Variants in FIG4 observed in about 807,000 individuals in gnomAD.
The protein encoded by FIG4 is FIG4 phosphoinositide 5-phosphatase.
FIG4 carries 112 observed loss-of-function variants against 118.6 expected under a neutral mutation model. The ratio of observed to expected loss-of-function variants is 0.94; its 90% CI spans 0.81 to 1.11. The LOEUF is 1.11. FIG4 is among the 50% of genes least tolerant of loss of function. FIG4 has a pLI of 0.00. For synonymous variants in FIG4, 369 were observed against 381.2 expected, an observed-to-expected ratio of 0.97 and a Z score of 0.37; for missense variants, 969 against 1,111.7, an observed-to-expected ratio of 0.87 and a Z score of 1.83.
intron 10 of FIG4, among the ~76,000 whole-genome samples, chr6:109,756,884 T>G (rs1047047218): frequency 6.6e-6 from 1 of 152,208 alleles, no homozygotes; most frequent in Non-Finnish European, 1.5e-5. Context: ...GGTTTGAATT[T>G]CCTCCTATAG....
At chr6:109,727,905 C>T (rs1192923143) in intron 4 of FIG4, among the ~76,000 whole-genome samples, 1 of 152,132 alleles carries the variant, frequency 6.6e-6, no homozygotes, top group East Asian at 1.9e-4. Context: ...AGACAAAAAA[C>T]AAAAGACTGT....
intron 16 of FIG4, 60 bp downstream of exon 16, chr6:109,777,120 T>G: frequency 2.8e-6 from 4 of 1,427,050 alleles, no homozygotes; most frequent in Non-Finnish European, 3.9e-6. Context: ...GAATATGAGA[T>G]ACTTTTCATT....
At chr6:109,721,722 T>C (rs1394712663) in intron 3 of FIG4, among the ~76,000 whole-genome samples, 1 of 152,176 alleles carries the variant, frequency 6.6e-6, no homozygotes, top group African/African-American at 2.4e-5. Context: ...TATGCCAAGC[T>C]GAAGCCTTTA....
At chr6:109,712,733 T>C (rs1457766938) in intron 1 of FIG4, among the ~76,000 whole-genome samples, 1 of 152,200 alleles carries the variant, frequency 6.6e-6, no homozygotes, top group African/African-American at 2.4e-5. Flanking sequence ...ATTTCTGTCA[T>C]GTCAGCCATC....
chr6:109,802,894 A>G (rs1327864617), intron 22 of FIG4, among the ~76,000 whole-genome samples: 2 of 152,232 alleles, frequency 1.3e-5, no homozygotes, highest in Non-Finnish European at 2.9e-5. Context: ...GTCAAAATGA[A>G]AAAACCTTTT....
At position 109,743,674 on chromosome 6, in the gene FIG4, G is replaced by A. The variant is rs778949599; in HGVS notation, c.1040-1G>A. 4 of 1,604,554 alleles carry A rather than the reference G, an allele frequency of 2.5e-6. No homozygotes were observed. The South Asian group carries it at 3.3e-5, about 13-fold the overall frequency. On this transcript the variant is annotated splice_acceptor_variant, in intron 9 of 22. Transcript: ENST00000230124. LOFTEE classifies it high-confidence loss of function. ...GCTTTTTCATCTTTTTTCCTTCTCA[G>A]TGGATCAGGCAGATCCATTTGCACA...
At chr6:109,724,110 C>T (rs78756368) in intron 3 of FIG4, among the ~76,000 whole-genome samples, 3,443 of 151,788 alleles carry the variant, frequency 0.023, 55 homozygotes, top group Non-Finnish European at 0.038. Context: ...TGTTTTAAGG[C>T]GGGGGGTGGG....
At chr6:109,748,769 G>C (rs1450396938) in intron 10 of FIG4, among the ~76,000 whole-genome samples, 1 of 152,104 alleles carries the variant, frequency 6.6e-6, no homozygotes, top group Non-Finnish European at 1.5e-5. Flanking sequence ...AGACAAGAGA[G>C]AATGAGAACC....
intron 18 of FIG4, among the ~76,000 whole-genome samples, chr6:109,788,579 A>C (rs1203352281): frequency 6.6e-6 from 1 of 152,212 alleles, no homozygotes. Flanking sequence ...AGTGACTGTG[A>C]AAGTACCACG....
chr6:109,820,367 C>T (rs1778970867), intron 22 of FIG4, among the ~76,000 whole-genome samples: 1 of 152,228 alleles, frequency 6.6e-6, no homozygotes, highest in Non-Finnish European at 1.5e-5. Flanking sequence ...TGATTAGCCA[C>T]ATGCAGATGA....
intron 21 of FIG4, among the ~76,000 whole-genome samples, chr6:109,795,094 A>ATTTTTTTTTTT (rs1562688787): frequency 2.6e-5 from 2 of 77,190 alleles, no homozygotes; most frequent in African/African-American, 7.8e-5. Flanking sequence ...TACACTTGCC[A>ATTTTTTTTTTT]GTTTTTTTTT....
intron 10 of FIG4, among the ~76,000 whole-genome samples, chr6:109,752,695 T>C (rs1776748738): frequency 6.6e-6 from 1 of 152,216 alleles, no homozygotes. Flanking sequence ...TGTTTGTTTT[T>C]TTCTTGTAAA....
chr6:109,743,854 C>T, intron 10 of FIG4, 82 bp downstream of exon 10: 1 of 904,644 alleles, frequency 1.1e-6, no homozygotes, highest in South Asian at 1.3e-5. Context: ...GTTAACAAGC[C>T]ATGCTTTCCC....
intron 10 of FIG4, among the ~76,000 whole-genome samples, chr6:109,748,954 A>G (rs1209132274): frequency 6.6e-6 from 1 of 152,056 alleles, no homozygotes; most frequent in Non-Finnish European, 1.5e-5. Flanking sequence ...GTGGGGACAC[A>G]GCCAAACCAT....
intron 10 of FIG4, among the ~76,000 whole-genome samples, chr6:109,752,858 T>A (rs1368293531): frequency 6.6e-6 from 1 of 152,196 alleles, no homozygotes; most frequent in East Asian, 1.9e-4. Flanking sequence ...ATCCCATTTG[T>A]CAATTTTGGC....
chr6:109,733,330 A>G (rs1776064581), intron 5 of FIG4, among the ~76,000 whole-genome samples: 1 of 152,134 alleles, frequency 6.6e-6, no homozygotes, highest in African/African-American at 2.4e-5. Flanking sequence ...TTATTACAGC[A>G]TCATGATAAG....
intron 7 of FIG4, among the ~76,000 whole-genome samples, chr6:109,738,864 C>G (rs1776240730): frequency 1.3e-5 from 2 of 152,076 alleles, no homozygotes; most frequent in African/African-American, 2.4e-5. Context: ...CTGGGAAACA[C>G]TGTGTGTGTA....
rs745397940 is a variant in FIG4, at chr6:109,791,514, T to C, written c.2319T>C (p.Ser773=). The C allele has an allele frequency of 1.9e-6, 3 of 1,613,930 alleles. No individual in the cohort carries two copies. Among genetic ancestry groups the C allele is most frequent in the Non-Finnish European group, 2.5e-6 (3 of 1,180,036 alleles). Residue 773 remains serine, a synonymous_variant, in exon 20 of 23, where the codon TCT becomes TCC. Transcript: ENST00000230124. ...ATCGGGAAGAAGAGGGCTCTGTGTC[T>C]CAGCGCTCCACTCCCGTGAAGATGA... ...GTDREEEGSV[S]QRSTPVKMTD...
At chr6:109,823,149 T>G (rs1356998235) in intron 22 of FIG4, among the ~76,000 whole-genome samples, 1 of 152,186 alleles carries the variant, frequency 6.6e-6, no homozygotes, top group Non-Finnish European at 1.5e-5. Context: ...TTTGCCAGAC[T>G]GCAGTGTCTT....
Sources: gnomAD v4.1 joint callset for allele counts (sites outside exome capture counted in the v4.1 genomes callset) on GRCh38, gnomAD v4.1.1 for gene constraint, MANE v1.5 for transcripts, NCBI Gene and HGNC (gene_info 2026-07-23, HGNC 2026-07-21) for gene names.